Variants in KIFAP3 observed in about 807,000 individuals in gnomAD.
KIFAP3 encodes kinesin associated protein 3.
Under a neutral mutation model 106.5 loss-of-function variants are expected in KIFAP3, and 68 were observed. That is an observed-to-expected ratio of 0.64 (90% CI 0.53 to 0.78). The LOEUF is 0.78. KIFAP3 is among the 30% of genes least tolerant of loss of function. The pLI is 0.00. For synonymous variants in KIFAP3, 320 were observed against 311.5 expected (o/e 1.03, Z -0.29); for missense variants, 780 against 941.8 (o/e 0.83, Z 2.25).
intron 1 of KIFAP3, among the ~76,000 whole-genome samples, chr1:170,073,485 AC>A (rs1671791894): frequency 6.6e-6 from 1 of 152,220 alleles, no homozygotes; most frequent in African/African-American, 2.4e-5. Flanking sequence ...GTGTATTATG[AC>A]TTGAAATAAT....
chr1:170,042,053 A>G (rs1240239747), intron 3 of KIFAP3, among the ~76,000 whole-genome samples: 1 of 152,214 alleles, frequency 6.6e-6, no homozygotes, highest in Non-Finnish European at 1.5e-5. Context: ...AATGTGCCTA[A>G]CGGGTGGAAA....
At chr1:170,066,058 A>G (rs1210580440) in intron 1 of KIFAP3, among the ~76,000 whole-genome samples, 1 of 151,972 alleles carries the variant, frequency 6.6e-6, no homozygotes, top group African/African-American at 2.4e-5. Context: ...TATACTTTTA[A>G]AAACTGTTTT....
upstream of KIFAP3, among the ~76,000 whole-genome samples, chr1:170,074,959 T>A (rs1015968281): frequency 2.0e-5 from 3 of 152,224 alleles, no homozygotes; most frequent in African/African-American, 7.2e-5. Flanking sequence ...GCAGTCCAGC[T>A]AATAAGGGAG....
At chr1:169,985,384 T>G (rs577342278) in intron 11 of KIFAP3, among the ~76,000 whole-genome samples, 14 of 151,872 alleles carry the variant, frequency 9.2e-5, no homozygotes, top group South Asian at 6.2e-4. Flanking sequence ...AGACATATAT[T>G]TAGAAAACAG....
chr1:170,042,930 T>C (rs898871398), intron 3 of KIFAP3, among the ~76,000 whole-genome samples: 8 of 152,316 alleles, frequency 5.3e-5, no homozygotes, highest in African/African-American at 1.4e-4. Flanking sequence ...ATTTTAGCCA[T>C]TATAGGTAAC....
intron 5 of KIFAP3, among the ~76,000 whole-genome samples, chr1:170,036,021 C>A (rs1669675093): frequency 1.3e-5 from 2 of 151,748 alleles, no homozygotes; most frequent in African/African-American, 2.4e-5. Flanking sequence ...AAATTAAAAA[C>A]CAAATAAAAT....
intron 9 of KIFAP3, among the ~76,000 whole-genome samples, chr1:170,022,535 T>A (rs6657512): frequency 0.18 from 28,056 of 152,132 alleles, 2,639 homozygotes; most frequent in Admixed American, 0.23. Flanking sequence ...AGCAAATTAA[T>A]GTCTCTGGTC....
At chr1:169,933,610 T>A (rs1333127174) in intron 19 of KIFAP3, among the ~76,000 whole-genome samples, 1 of 152,100 alleles carries the variant, frequency 6.6e-6, no homozygotes, top group East Asian at 1.9e-4. Context: ...TAGACTGGAA[T>A]GTAGAAATAT....
chr1:170,052,044 A>G (rs1557865722), intron 2 of KIFAP3, among the ~76,000 whole-genome samples: 1 of 152,178 alleles, frequency 6.6e-6, no homozygotes, highest in Non-Finnish European at 1.5e-5. Flanking sequence ...CCAAAAATCA[A>G]TGAATCTAGG....
intron 9 of KIFAP3, among the ~76,000 whole-genome samples, chr1:170,016,973 A>C (rs1184564975): frequency 6.6e-6 from 1 of 152,148 alleles, no homozygotes; most frequent in East Asian, 1.9e-4. Context: ...ATAAAAGGAG[A>C]TGAGGCTGGG....
chr1:169,934,767 T>G (rs1232827768), intron 19 of KIFAP3, among the ~76,000 whole-genome samples: 1 of 152,118 alleles, frequency 6.6e-6, no homozygotes, highest in Admixed American at 6.6e-5. Flanking sequence ...TGAATGAACA[T>G]ATAGGTATAT....
intron 18 of KIFAP3, chr1:169,958,245 G>C (rs961713275): frequency 6.6e-6 from 1 of 152,400 alleles, no homozygotes; most frequent in African/African-American, 2.4e-5. Context: ...ACTATGCCTG[G>C]GTAATTTCTT....
chr1:169,953,981 A>C, intron 19 of KIFAP3, 30 bp downstream of exon 19: 1 of 1,455,936 alleles, frequency 6.9e-7, no homozygotes, highest in Non-Finnish European at 9.7e-7. Flanking sequence ...CAGATACTAC[A>C]CATTAGATTT....
intron 10 of KIFAP3, among the ~76,000 whole-genome samples, chr1:170,007,614 AAG>A (rs1231258149): frequency 2.0e-5 from 3 of 152,124 alleles, no homozygotes; most frequent in Non-Finnish European, 4.4e-5. Context: ...TCAACGAAAT[AAG>A]AGAGGGCACA....
chr1:170,068,886 T>C (rs1671571201), intron 1 of KIFAP3: 2 of 150,302 alleles, frequency 1.3e-5, no homozygotes, highest in Admixed American at 1.3e-4. Context: ...AAGGAAATAA[T>C]AAAAAGCAGC....
intron 2 of KIFAP3, among the ~76,000 whole-genome samples, chr1:170,048,015 G>C (rs1229476847): frequency 6.6e-6 from 1 of 152,182 alleles, no homozygotes; most frequent in Non-Finnish European, 1.5e-5. Flanking sequence ...ATTTTTGTTG[G>C]AAGACATCAA....
chr1:169,948,417 C>A (rs574718270), intron 19 of KIFAP3, among the ~76,000 whole-genome samples: 2 of 151,814 alleles, frequency 1.3e-5, no homozygotes, highest in South Asian at 2.1e-4. Flanking sequence ...AAACTATGAT[C>A]ATCTTTGGTA....
At chr1:169,978,522 G>A (rs954132436) in intron 15 of KIFAP3, among the ~76,000 whole-genome samples, 6 of 151,944 alleles carry the variant, frequency 3.9e-5, no homozygotes, top group South Asian at 2.1e-4. Flanking sequence ...TCATAAAAAG[G>A]TATTTCCTTT....
Position 170,024,497 on chromosome 1 carries a change from C to T in KIFAP3, c.941G>A (p.Arg314Gln). ...TAAAATTAGCAGCTCAAAATTGTCC[C>T]GATCAAGGGCTTTCACCAACATGTG... The part of the protein sequence containing the change: ...IVHMLVKALD[R>Q]DNFELLILVV... Residue 314 changes from arginine (R) to glutamine (Q), a missense_variant, in exon 9 of 20, where the codon CGG becomes CAG. By Grantham distance (43) the Arg-to-Gln change is conservative. This residue lies in a region of KIFAP3 where 588 missense variants were observed against 678.9 expected (regional missense o/e 0.87). Coordinates refer to ENST00000361580, the MANE Select transcript of KIFAP3 (RefSeq NM_014970.4). The T allele has an allele frequency of 4.4e-6, 7 of 1,605,862 alleles. No individual in the cohort carries two copies. Among genetic ancestry groups the T allele is most frequent in the South Asian group, 1.1e-5 (1 of 89,842 alleles).
Sources: gnomAD v4.1 joint callset for allele counts (sites outside exome capture counted in the v4.1 genomes callset) on GRCh38, gnomAD v4.1.1 for gene constraint, gnomAD v4.1.1 regional missense constraint, MANE v1.5 for transcripts, NCBI Gene and HGNC (gene_info 2026-07-23, HGNC 2026-07-21) for gene names.